TPM3: variants seen among roughly 807,000 people sequenced by gnomAD.
TPM3 encodes tropomyosin 3.
In TPM3, 16 loss-of-function variants were observed where a neutral mutation model predicts 43.1. The observed-to-expected ratio is 0.37, with a 90% CI of 0.25 to 0.56. The LOEUF (loss-of-function observed/expected upper bound fraction) is 0.56, where lower values mean the gene tolerates loss of function less well. TPM3 is among the 20% of genes least tolerant of loss of function. The probability of loss-of-function intolerance (pLI) is 0.77; values close to 1 mark genes in which losing one functional copy is unlikely to be tolerated. For synonymous variants in TPM3, 101 were observed against 116.9 expected (o/e 0.86, Z 0.88); for missense variants, 176 against 337.2 (o/e 0.52, Z 3.74).
chr1:154,159,089 G>A (rs1330174164), downstream of TPM3: 1 of 778,964 alleles, frequency 1.3e-6, no homozygotes. Context: ...AAGAGAAGGA[G>A]AGGAAAAAGA....
At chr1:154,172,740 A>G (rs1558045762) in intron 5 of TPM3, 168 bp downstream of exon 5, 2 of 817,454 alleles carry the variant, frequency 2.4e-6, no homozygotes, top group Middle Eastern at 3.5e-4. Flanking sequence ...CAGGAGAATA[A>G]GGAAGCCTAA....
chr1:154,176,092 C>G (rs1662277628), intron 3 of TPM3, 23 bp downstream of exon 3: 2 of 1,612,640 alleles, frequency 1.2e-6, no homozygotes, highest in Admixed American at 3.3e-5. Flanking sequence ...AAAATCCACA[C>G]TCCATCAGGC....
chr1:154,191,620 A>T (rs888353603), intron 1 of TPM3: 1 of 1,411,132 alleles, frequency 7.1e-7, no homozygotes, highest in African/African-American at 1.4e-5. Flanking sequence ...TTCCCTCTAG[A>T]ACTCTTACCT....
chr1:154,191,041 C>T (rs1663657808), intron 2 of TPM3, 145 bp downstream of exon 2: 1 of 1,293,762 alleles, frequency 7.7e-7, no homozygotes, highest in African/African-American at 1.5e-5. Flanking sequence ...GAGAATATAC[C>T]AGCATGTGGT....
At chr1:154,183,333 C>T (rs1006784028) in intron 2 of TPM3, 21 of 1,455,814 alleles carry the variant, frequency 1.4e-5, no homozygotes, top group African/African-American at 7.0e-5. Context: ...GTGGATCCTC[C>T]CAGTCGCCCT....
chr1:154,183,130 C>T, intron 2 of TPM3: 5 of 1,598,094 alleles, frequency 3.1e-6, no homozygotes, highest in Non-Finnish European at 4.2e-6. Flanking sequence ...GGTGCCCACC[C>T]AGCTACTGCT....
intron 2 of TPM3, among the ~76,000 whole-genome samples, chr1:154,190,040 C>T (rs1663614925): frequency 6.6e-6 from 1 of 152,044 alleles, no homozygotes; most frequent in South Asian, 2.1e-4. Context: ...CTCCTGGGTT[C>T]AAGCGATTCT....
intron 2 of TPM3, among the ~76,000 whole-genome samples, chr1:154,180,073 C>T (rs949237866): frequency 1.3e-4 from 20 of 151,984 alleles, no homozygotes; most frequent in Admixed American, 2.0e-4. Flanking sequence ...CATCTGTTTC[C>T]ATTTAGACAG....
chr1:154,183,925 T>G (rs1332547347), intron 2 of TPM3: 1 of 138,686 alleles, frequency 7.2e-6, no homozygotes, highest in East Asian at 2.4e-4. Flanking sequence ...AGTGGCGAGA[T>G]CACAACTCAC....
chr1:154,183,296 C>G (rs888030540), intron 2 of TPM3: 2 of 1,498,188 alleles, frequency 1.3e-6, no homozygotes, highest in Admixed American at 2.0e-5. Context: ...GGAAGGCAGT[C>G]CACTGGAGGG....
chr1:154,161,027 C>T (rs746435676), downstream of TPM3, among the ~76,000 whole-genome samples: 1 of 150,798 alleles, frequency 6.6e-6, no homozygotes, highest in Non-Finnish European at 1.5e-5. Context: ...CCTCTTGCTT[C>T]AGCCTCCTGA....
downstream of TPM3, among the ~76,000 whole-genome samples, chr1:154,157,974 CCCAA>C (rs1659979472): frequency 6.6e-6 from 1 of 152,136 alleles, no homozygotes; most frequent in Non-Finnish European, 1.5e-5. Context: ...CCCTCCCACA[CCCAA>C]CCAACACTTT....
Position 154,166,084 on chromosome 1 carries a change from G to C in TPM3, c.*1853C>G, listed in dbSNP as rs1660926226. ...ACCTAGAAGATACCAGGAAGTGTCA[G>C]CTGAATAAATGAATCTGAACCTTAA... On this transcript the variant is annotated 3_prime_UTR_variant, in exon 10 of 10. Coordinates refer to ENST00000651641, the MANE Select transcript of TPM3 (RefSeq NM_152263.4). Among the ~76,000 whole-genome samples, 1 of 152,200 alleles carries C rather than the reference G, an allele frequency of 6.6e-6. No individual in the cohort carries two copies. The highest frequency in any genetic ancestry group is 1.5e-5 in the Non-Finnish European group (1 of 68,048).
chr1:154,167,836 C>T lies in TPM3; in HGVS notation c.*101G>A. 1 of 1,611,848 alleles carries T rather than the reference C, an allele frequency of 6.2e-7. No individual in the cohort carries two copies. The highest frequency in any genetic ancestry group is 2.2e-5 in the East Asian group (1 of 44,828). On this transcript the variant is annotated 3_prime_UTR_variant, in exon 10 of 10. Coordinates refer to ENST00000651641, the MANE Select transcript of TPM3 (RefSeq NM_152263.4). ...CTCCCCCATCCTAATGCCTTGGGGA[C>T]CAGCCAGGCTGACCCAAATGGAATC...
At chr1:154,179,089 T>C (rs1329218207) in intron 2 of TPM3, among the ~76,000 whole-genome samples, 2 of 152,200 alleles carry the variant, frequency 1.3e-5, no homozygotes, top group Non-Finnish European at 2.9e-5. Flanking sequence ...TTTCTCTTAT[T>C]AGATAAAAGC....
At chr1:154,190,801 A>T (rs1387378746) in intron 2 of TPM3, among the ~76,000 whole-genome samples, 1 of 152,188 alleles carries the variant, frequency 6.6e-6, no homozygotes, top group African/African-American at 2.4e-5. Context: ...ATTAATACAC[A>T]TATCCACATG....
intron 8 of TPM3, 108 bp downstream of exon 8, chr1:154,170,292 T>C: frequency 4.1e-6 from 5 of 1,230,876 alleles, no homozygotes; most frequent in East Asian, 2.3e-5. Context: ...TATTAATACA[T>C]GCCAAGTCAC....
chr1:154,172,682 C>T (rs1661734979), intron 5 of TPM3: 1 of 604,614 alleles, frequency 1.7e-6, no homozygotes, highest in Non-Finnish European at 2.9e-6. Flanking sequence ...AATTTGTAAA[C>T]CCTACCAACA....
chr1:154,156,651 CA>C (rs943057832), downstream of TPM3: 1 of 195,246 alleles, frequency 5.1e-6, no homozygotes, highest in African/African-American at 2.3e-5. Context: ...GCCACAAACC[CA>C]AAGCAAAGTT....
Sources: gnomAD v4.1 joint callset for allele counts (sites outside exome capture counted in the v4.1 genomes callset) on GRCh38, gnomAD v4.1.1 for gene constraint, MANE v1.5 for transcripts, NCBI Gene and HGNC (gene_info 2026-07-23, HGNC 2026-07-21) for gene names.